The following NHLRC2 variants were observed in gnomAD, a reference collection of about 807,000 sequenced individuals.
The protein encoded by NHLRC2 is NHL repeat-containing protein 2.
In NHLRC2, 33 loss-of-function variants were observed where a neutral mutation model predicts 68.1. The observed-to-expected ratio is 0.48, with a 90% CI of 0.37 to 0.65. NHLRC2 has a LOEUF of 0.65. Ranked by LOEUF, NHLRC2 falls within the 30% of genes least tolerant of loss-of-function variation. The probability of loss-of-function intolerance (pLI) is 0.00; values close to 1 mark genes in which losing one functional copy is unlikely to be tolerated. For synonymous variants in NHLRC2, 311 were observed against 309.6 expected (o/e 1.00, Z -0.05); for missense variants, 761 against 853.8 (o/e 0.89, Z 1.35).
At chr10:113,874,456 G>A (rs999421931) in intron 2 of NHLRC2, among the ~76,000 whole-genome samples, 2 of 138,072 alleles carry the variant, frequency 1.4e-5, no homozygotes, top group South Asian at 4.4e-4. Flanking sequence ...GTGTGTGTGT[G>A]TGTGTGTGTG....
chr10:113,871,289 G>T lies in NHLRC2; in HGVS notation c.332-5232G>T, dbSNP rs554690154. 1.9e-3 allele frequency among the ~76,000 whole-genome samples: 292 copies of T among 152,170 alleles called. 2 individuals are homozygous for T. Among genetic ancestry groups the T allele is most frequent in the African/African-American group, 6.8e-3 (282 of 41,528 alleles). On this transcript the variant is annotated intron_variant, in intron 2 of 10. Coordinates refer to ENST00000369301, the MANE Select transcript of NHLRC2 (RefSeq NM_198514.4). ...TCAGCCAGCCTCGGCCTCCCAAAGT[G>T]TTGGGATTACAGGCGTGAGCCACTG... is the stretch of plus-strand genomic sequence containing the variant.
At chr10:113,899,026 C>T (rs1385455777) in intron 6 of NHLRC2, among the ~76,000 whole-genome samples, 1 of 152,074 alleles carries the variant, frequency 6.6e-6, no homozygotes, top group Non-Finnish European at 1.5e-5. Context: ...CCCAATACCC[C>T]AGGCAGAACT....
rs369065411 is a variant in NHLRC2 at position 113,908,018 on chromosome 10, ATAAGAG to A, written c.1925-258_1925-253del. Among the ~76,000 whole-genome samples the A allele has an allele frequency of 5.4e-3, 822 of 152,304 alleles. 7 individuals carry two copies. The highest frequency in any genetic ancestry group is 0.018 in the African/African-American group (744 of 41,554). On this transcript the variant is annotated intron_variant, in intron 10 of 10. Coordinates refer to ENST00000369301, the MANE Select transcript of NHLRC2 (RefSeq NM_198514.4). ...ATTTGCAATATTCAGCTTGATTTTA[ATAAGAG>A]TAAATGTGTAATTTATTTTATAGTA...
chr10:113,865,797 ATAAGT>A (rs1270704363), intron 2 of NHLRC2, among the ~76,000 whole-genome samples: 2 of 152,186 alleles, frequency 1.3e-5, no homozygotes, highest in Non-Finnish European at 2.9e-5. Context: ...TGATTAGAAG[ATAAGT>A]TCAGTTCATA....
rs1191371116 is a variant in NHLRC2 at position 113,876,804 on chromosome 10, A to G, written c.615A>G (p.Arg205=). The change falls in exon 3 of 11, where the codon AGA becomes AGG. Residue 205 remains arginine, a synonymous_variant. Coordinates refer to ENST00000369301, the MANE Select transcript of NHLRC2 (RefSeq NM_198514.4). ...ATTACAAAGACAGGGGGCAGATCAG[A>G]GATAATAAAATTGGAATAAAACTCT... The part of the protein sequence containing the change: ...LKYYKDRGQI[R]DNKIGIKLYK... 1 of 1,612,710 alleles carries G rather than the reference A, an allele frequency of 6.2e-7. No individual in the cohort carries two copies. Among genetic ancestry groups the G allele is most frequent in the Non-Finnish European group, 8.5e-7 (1 of 1,178,904 alleles).
chr10:113,883,068 C>G (rs983611126), intron 4 of NHLRC2, among the ~76,000 whole-genome samples: 1 of 151,806 alleles, frequency 6.6e-6, no homozygotes, highest in South Asian at 2.1e-4. Context: ...ATTGCTGTAG[C>G]TTTTAATAAT....
intron 2 of NHLRC2, among the ~76,000 whole-genome samples, chr10:113,868,031 T>C (rs1192885026): frequency 2.0e-5 from 3 of 152,188 alleles, no homozygotes. Flanking sequence ...CTCTGTTGCC[T>C]GGGCTGGATT....
At chr10:113,904,733 TCTA>T in intron 9 of NHLRC2, 81 bp from the exon 10 acceptor site, 1 of 980,838 alleles carries the variant, frequency 1.0e-6, no homozygotes, top group Non-Finnish European at 1.6e-6. Context: ...ACTTCATTAT[TCTA>T]CTAAAGTCTA....
At position 113,908,341 on chromosome 10, in the gene NHLRC2, A is replaced by G. The variant is rs1180960403; in HGVS notation, c.1986A>G (p.Gln662=). The G allele has an allele frequency of 9.9e-6, 16 of 1,613,860 alleles. No individual in the cohort carries two copies. Among genetic ancestry groups the G allele is most frequent in the Middle Eastern group, 3.3e-4 (2 of 6,062 alleles). ...AAGDIENISS[Q]PTISLQIPDD... Reference sequence around the variant, plus strand: ...GAGATATAGAGAACATTTCCAGTCAACCAACAATTTCACTACAAATTCCTG... The same window carrying G: ...GAGATATAGAGAACATTTCCAGTCAGCCAACAATTTCACTACAAATTCCTG... Residue 662 remains glutamine (Q), a synonymous_variant, in exon 11 of 11, where the codon CAA becomes CAG. Transcript: ENST00000369301.
rs373688742 is a variant in NHLRC2 at position 113,908,485 on chromosome 10, G to A, written c.2130G>A (p.Thr710=). The change falls in exon 11 of 11, where the codon ACG becomes ACA. Residue 710 remains threonine (T), a synonymous_variant. Transcript: ENST00000369301. The part of the protein sequence containing the change: ...AILFSQPLQI[T]DTQQGCIAPV... The stretch of plus-strand genomic sequence containing the variant: ...TGTTCAGTCAGCCTTTACAAATAAC[G>A]GATACACAGCAAGGTTGCATAGCTC... 2.0e-5 allele frequency: 32 copies of A among 1,613,860 alleles called. No homozygotes were observed. The highest frequency in any genetic ancestry group is 2.5e-5 in the Non-Finnish European group (30 of 1,179,956).
At chr10:113,856,696 A>G (rs2134682910) in intron 1 of NHLRC2, among the ~76,000 whole-genome samples, 1 of 152,344 alleles carries the variant, frequency 6.6e-6, no homozygotes, top group African/African-American at 2.4e-5. Flanking sequence ...ATAACTAAAA[A>G]AACATATAAT....
intron 2 of NHLRC2, among the ~76,000 whole-genome samples, chr10:113,874,442 TTG>T (rs58207579): frequency 0.084 from 10,535 of 125,406 alleles, 441 homozygotes; most frequent in African/African-American, 0.12. Context: ...AGGCATGTGT[TTG>T]TGTGTGTGTG....
chr10:113,855,139 G>A, intron 1 of NHLRC2, 89 bp downstream of exon 1: 4 of 1,198,336 alleles, frequency 3.3e-6, no homozygotes, highest in Non-Finnish European at 4.8e-6. Context: ...GGGCTAGGCG[G>A]GTTTGTGCCG....
intron 5 of NHLRC2, among the ~76,000 whole-genome samples, chr10:113,897,055 T>A (rs1333652521): frequency 6.6e-6 from 1 of 152,046 alleles, no homozygotes; most frequent in African/African-American, 2.4e-5. Context: ...TGGAAAACAT[T>A]CCAAATTAAG....
At chr10:113,869,720 T>C (rs565781435) in intron 2 of NHLRC2, among the ~76,000 whole-genome samples, 1 of 152,224 alleles carries the variant, frequency 6.6e-6, no homozygotes, top group Non-Finnish European at 1.5e-5. Flanking sequence ...TAACATACTT[T>C]ATGATAAATA....
chr10:113,915,309 GAAC>G lies in NHLRC2; in HGVS notation c.*6775_*6777del. On this transcript the variant is annotated 3_prime_UTR_variant, in exon 11 of 11. Coordinates refer to ENST00000369301, the MANE Select transcript of NHLRC2 (RefSeq NM_198514.4). ...TAAAAAGCACTAAACAAGCACAAAT[GAAC>G]ACTAAATAGCCTTATACCAAAAAGC... is the stretch of plus-strand genomic sequence containing the variant. 2.2e-6 allele frequency: 1 copy of G among 448,878 alleles called. No homozygotes were observed. The highest frequency in any genetic ancestry group is 1.6e-5 in the South Asian group (1 of 63,166). 27.8% of individuals were successfully genotyped at this position (448,878 alleles called of 1,614,324 possible).
In NHLRC2 at chr10:113,910,178, C is replaced by A. The variant is rs1190344755; in HGVS notation, c.*1642C>A. 3 of 152,064 alleles carry A rather than the reference C, an allele frequency of 2.0e-5. No homozygotes were observed. Among genetic ancestry groups the A allele is most frequent in the Non-Finnish European group, 1.5e-5 (1 of 67,992 alleles). The allele number at this position is 152,064 out of a possible 1,614,324, so 9.4% of individuals were successfully genotyped here. A position where few individuals can be genotyped will look rare whatever the true frequency, so the allele number is the denominator to read the frequency against. ...AATAAAAGGGTGTATAACATACTCT[C>A]TTTTATGAGAATAGGCCTTAGTTAT... is the stretch of plus-strand genomic sequence containing the variant. On this transcript the variant is annotated 3_prime_UTR_variant, in exon 11 of 11. Transcript: ENST00000369301.
chr10:113,902,379 T>C (rs375194081), intron 7 of NHLRC2, 92 bp from the exon 8 acceptor site: 3 of 817,432 alleles, frequency 3.7e-6, no homozygotes, highest in Admixed American at 2.5e-5. Context: ...TTAAATACCA[T>C]TTGTAACTGT....
rs752352847 is a variant in NHLRC2 at position 113,858,535 on chromosome 10, A to C, written c.186A>C (p.Glu62Asp). Reference protein sequence around the residue: ...LSVPEFPEGLEWLNTEEPISV... With the variant: ...LSVPEFPEGLDWLNTEEPISV... ...ATTTTATGTAAATTTCAGGATTAGA[A>C]TGGCTGAACACAGAAGAACCTATTT... The change falls in exon 2 of 11, where the codon GAA becomes GAC. Residue 62 changes from glutamate to aspartate, a missense_variant. Physicochemically the swap from Glu to Asp is conservative, Grantham distance 45. Coordinates refer to ENST00000369301, the MANE Select transcript of NHLRC2 (RefSeq NM_198514.4). 7.5e-6 allele frequency: 12 copies of C among 1,597,382 alleles called. No homozygotes were observed. In the East Asian group the frequency reaches 2.2e-4, roughly 30 times the overall value.
Sources: gnomAD v4.1 joint callset for allele counts (sites outside exome capture counted in the v4.1 genomes callset) on GRCh38, gnomAD v4.1.1 for gene constraint, MANE v1.5 for transcripts, NCBI Gene and HGNC (gene_info 2026-07-23, HGNC 2026-07-21) for gene names.